The following SALL1 variants were observed in gnomAD, a reference collection of about 807,000 sequenced individuals.
SALL1 encodes the protein sal-like protein 1.
In SALL1, 10 loss-of-function variants were observed where a neutral mutation model predicts 73.1. The observed-to-expected ratio is 0.14, with a 90% CI of 0.08 to 0.23. The LOEUF is 0.23. Among genes scored for constraint, SALL1 ranks in the 10% least tolerant of loss-of-function variants. The pLI, the probability that SALL1 is intolerant of heterozygous loss-of-function variation, is 1.00. For missense variants in SALL1, 1,520 were observed against 1,697.3 expected, an observed-to-expected ratio of 0.90 and a Z score of 1.84; for synonymous variants, 688 against 689.8, an observed-to-expected ratio of 1.00 and a Z score of 0.04.
intron 1 of SALL1, 60 bp downstream of exon 1, chr16:51,151,096 TGAGTGGGTCC>T (rs1962594224): frequency 8.7e-7 from 1 of 1,155,532 alleles, no homozygotes; most frequent in African/African-American, 1.6e-5. Flanking sequence ...CAGCCGCGTG[TGAGTGGGTCC>T]GAGTGTGCGT....
intron 1 of SALL1, chr16:51,150,560 A>G (rs1341742961): frequency 6.1e-6 from 6 of 986,052 alleles, no homozygotes; most frequent in African/African-American, 1.7e-5. Context: ...GCGCCCCGAC[A>G]CCAGTCCCCA....
At position 51,141,212 on chromosome 16, in the gene SALL1, G is replaced by A. The variant is rs1962420289; in HGVS notation, c.1010C>T (p.Ser337Phe). Residue 337 changes from serine to phenylalanine, a missense_variant, in exon 2 of 3, where the codon TCT (serine) becomes TTT (phenylalanine). Ser to Phe is a radical substitution (Grantham distance 155). This residue lies in a region of SALL1 where 540 missense variants were observed against 567.5 expected (regional missense o/e 0.95). Transcript: ENST00000251020. This position sits in a 1 kb window ranked among gnomAD's most constrained non-coding sequence, Gnocchi z 5.4. ...GNTIIPSNSG[S>F]SPNMNILAAA... ...TGCCAATATGTTCATATTGGGAGAA[G>A]AGCCGCTGTTGGATGGAATGATGGT... 6.2e-7 allele frequency: 1 copy of A among 1,614,062 alleles called. No homozygotes were observed. The highest frequency in any genetic ancestry group is 1.7e-5 in the Admixed American group (1 of 60,012).
At chr16:51,151,954 CGTGA>C (rs1225478792), upstream of SALL1, among the ~76,000 whole-genome samples, 1 of 151,364 alleles carries the variant, frequency 6.6e-6, no homozygotes, top group Non-Finnish European at 1.5e-5. Flanking sequence ...CGTCCCGTTT[CGTGA>C]GTGTTTCTTC....
upstream of SALL1, among the ~76,000 whole-genome samples, chr16:51,151,743 CG>C (rs1288870553): frequency 6.8e-6 from 1 of 147,590 alleles, no homozygotes; most frequent in African/African-American, 2.6e-5. Flanking sequence ...CTCCCTCCTT[CG>C]CCCCCCCCCA....
At position 51,136,285 on chromosome 16, in the gene SALL1, T is replaced by C. The variant is rs997336721; in HGVS notation, c.*827A>G. The C allele has an allele frequency of 6.6e-6, 1 of 152,664 alleles. No individual in the cohort carries two copies. The highest frequency in any genetic ancestry group is 2.4e-5 in the African/African-American group (1 of 41,468). 9.5% of individuals were successfully genotyped at this position (152,664 alleles called of 1,614,324 possible). On this transcript the variant is annotated 3_prime_UTR_variant, in exon 3 of 3. Transcript: ENST00000251020. Reference sequence around the variant, plus strand: ...GCATCTACATTTTCTCCACTGAAGGTTGTTCAAGATGCTATACTTAGCAGC... The same window carrying C: ...GCATCTACATTTTCTCCACTGAAGGCTGTTCAAGATGCTATACTTAGCAGC...
chr16:51,139,062 G>T lies in SALL1; in HGVS notation c.3160C>A (p.Arg1054=). 1 of 1,614,186 alleles carries T rather than the reference G, an allele frequency of 6.2e-7. No homozygotes were observed. The highest frequency in any genetic ancestry group is 1.1e-5 in the South Asian group (1 of 91,080). The change falls in exon 2 of 3, where the codon CGA becomes AGA. Residue 1054 remains arginine (R), a synonymous_variant. Coordinates refer to ENST00000251020, the MANE Select transcript of SALL1 (RefSeq NM_002968.3). The part of the protein sequence containing the change: ...LKQHMLTHQM[R]DLPSQLFEPS... Reference sequence around the variant, plus strand: ...TCAAAGAGCTGGGATGGCAGATCTCGCATCTGATGTGTCAACATGTGCTGC... The same window carrying T: ...TCAAAGAGCTGGGATGGCAGATCTCTCATCTGATGTGTCAACATGTGCTGC...
chr16:51,151,577 C>A (rs1302718082), upstream of SALL1, among the ~76,000 whole-genome samples: 2 of 151,244 alleles, frequency 1.3e-5, no homozygotes, highest in Non-Finnish European at 3.0e-5. Flanking sequence ...GGCCGCGGGG[C>A]TGGCTCTGCG....
chr16:51,151,221 C>T lies in SALL1; in HGVS notation c.21G>A (p.Ala7=). MSRRKQ[A]KPQHFQSDPE... is the part of the protein sequence containing the mutation. Reference sequence around the variant, plus strand: ...GGTCGGATTGGAAATGTTGAGGCTTCGCTTGCTTCCTCCGCGACATGCTGG... The same window carrying T: ...GGTCGGATTGGAAATGTTGAGGCTTTGCTTGCTTCCTCCGCGACATGCTGG... The change falls in exon 1 of 3, where the codon GCG becomes GCA. Residue 7 remains alanine, a synonymous_variant. Transcript: ENST00000251020. 6.2e-7 allele frequency: 1 copy of T among 1,601,234 alleles called. No homozygotes were observed. Among genetic ancestry groups the T allele is most frequent in the Non-Finnish European group, 8.5e-7 (1 of 1,175,178 alleles).
At chr16:51,148,537 A>G (rs1567318654) in intron 1 of SALL1, among the ~76,000 whole-genome samples, 1 of 152,258 alleles carries the variant, frequency 6.6e-6, no homozygotes, top group Admixed American at 6.5e-5. Flanking sequence ...GTAAAAAACA[A>G]AACAAAACAG....
Position 51,151,155 on chromosome 16 carries a change from G to A in SALL1, c.76+11C>T, listed in dbSNP as rs1367120032. ...TGTGTGTGTGTCCACGGCGCGGGCC[G>A]GAGCACTCACCATCTCGCCGGGGGA... On this transcript the variant is annotated intron_variant, in intron 1 of 2. Transcript: ENST00000251020. 3 of 1,588,108 alleles carry A rather than the reference G, an allele frequency of 1.9e-6. No homozygotes were observed. The highest frequency in any genetic ancestry group is 2.3e-5 in the East Asian group (1 of 43,802).
intron 1 of SALL1, among the ~76,000 whole-genome samples, chr16:51,146,013 T>TC (rs2066238609): frequency 8.7e-6 from 1 of 114,980 alleles, no homozygotes; most frequent in Middle Eastern, 4.6e-3. Context: ...TTTTTTTTTT[T>TC]CTGCATCGAC....
chr16:51,147,811 G>GCACA (rs1962541607), intron 1 of SALL1, among the ~76,000 whole-genome samples: 1 of 42,388 alleles, frequency 2.4e-5, no homozygotes. Context: ...ACACACACAT[G>GCACA]CACACATGCA....
upstream of SALL1, among the ~76,000 whole-genome samples, chr16:51,151,589 G>A (rs1451414645): frequency 2.0e-5 from 3 of 151,566 alleles, 1 homozygote; most frequent in African/African-American, 7.2e-5. Context: ...GGCTCTGCGC[G>A]CCGCGCCGCC....
rs776395704 is a variant in SALL1 at position 51,141,780 on chromosome 16, C to T, written c.442G>A (p.Ala148Thr). ...CTGCTGCTGCTGCTGCTGCTTGGGGCGGTACTGCTGTGGCTGCCGCTGGAA... is the reference window on the plus strand; with the variant it reads ...CTGCTGCTGCTGCTGCTGCTTGGGGTGGTACTGCTGTGGCTGCCGCTGGAA... ...GTSSGSHSSTAPSSSSSSSSS... is the reference protein window; with the variant it reads ...GTSSGSHSSTTPSSSSSSSSS... The change falls in exon 2 of 3, where the codon GCC becomes ACC. Residue 148 changes from alanine to threonine, a missense_variant. Ala to Thr is a moderately conservative substitution (Grantham distance 58). Coordinates refer to ENST00000251020, the MANE Select transcript of SALL1 (RefSeq NM_002968.3). This position sits in a 1 kb window ranked among gnomAD's most constrained non-coding sequence, Gnocchi z 5.4. 2.0e-5 allele frequency: 32 copies of T among 1,609,320 alleles called. No homozygotes were observed. The highest frequency in any genetic ancestry group is 4.4e-5 in the South Asian group (4 of 90,020).
intron 1 of SALL1, among the ~76,000 whole-genome samples, chr16:51,143,994 C>T (rs1314462728): frequency 6.7e-6 from 1 of 149,252 alleles, no homozygotes; most frequent in Non-Finnish European, 1.5e-5. Flanking sequence ...GATTCCTATG[C>T]ACATGGAAGG....
chr16:51,139,368 C>A lies in SALL1; in HGVS notation c.2854G>T (p.Val952Phe), dbSNP rs750798699. 6.2e-7 allele frequency: 1 copy of A among 1,614,000 alleles called. No homozygotes were observed. The highest frequency in any genetic ancestry group is 1.3e-5 in the African/African-American group (1 of 74,908). ...PSIEEKPQRAVPSEFANGLSP... is the reference protein window; with the variant it reads ...PSIEEKPQRAFPSEFANGLSP... ...AAACCATTGGCAAACTCGCTTGGGACCGCTCTCTGTGGTTTCTCCTCAATG... is the reference window on the plus strand; with the variant it reads ...AAACCATTGGCAAACTCGCTTGGGAACGCTCTCTGTGGTTTCTCCTCAATG... The change falls in exon 2 of 3, where the codon GTC becomes TTC. Residue 952 changes from valine to phenylalanine, a missense_variant. This residue lies in a region of SALL1 where 266 missense variants were observed against 275.1 expected (regional missense o/e 0.97). Coordinates refer to ENST00000251020, the MANE Select transcript of SALL1 (RefSeq NM_002968.3).
At position 51,139,302 on chromosome 16, in the gene SALL1, A is replaced by G. The variant is rs144429956; in HGVS notation, c.2920T>C (p.Ser974Pro). ...PVNGGALDLT[S>P]SHAEKIIKED... ...TTGATGATTTTCTCTGCGTGACTAG[A>G]TGTCAAATCCAAAGCCCCACCATTC... Residue 974 changes from serine to proline, a missense_variant, in exon 2 of 3, where the codon TCT becomes CCT. By Grantham distance (74) the Ser-to-Pro change is moderately conservative. Transcript: ENST00000251020. 48 of 1,614,044 alleles carry G rather than the reference A, an allele frequency of 3.0e-5. No homozygotes were observed. The highest frequency in any genetic ancestry group is 4.1e-5 in the Non-Finnish European group (48 of 1,180,048).
chr16:51,150,176 C>T (rs74697426), intron 1 of SALL1, among the ~76,000 whole-genome samples: 1 of 152,320 alleles, frequency 6.6e-6, no homozygotes, highest in East Asian at 1.9e-4. Flanking sequence ...CTGCCATAGC[C>T]CCCACACACA....
chr16:51,143,884 G>T (rs1380635616), intron 1 of SALL1, among the ~76,000 whole-genome samples: 1 of 152,138 alleles, frequency 6.6e-6, no homozygotes, highest in East Asian at 1.9e-4. Flanking sequence ...AGGGCATAGT[G>T]CAAGATGCAT....
Sources: gnomAD v4.1 joint callset for allele counts (sites outside exome capture counted in the v4.1 genomes callset) on GRCh38, gnomAD v4.1.1 for gene constraint, gnomAD v4.1.1 regional missense constraint, Gnocchi (gnomAD v3.1) non-coding constraint, MANE v1.5 for transcripts, NCBI Gene and HGNC (gene_info 2026-07-23, HGNC 2026-07-21) for gene names.